Variants in ANKRD42 observed in about 807,000 individuals in gnomAD.
ANKRD42 encodes the protein ankyrin repeat domain-containing protein 42.
A neutral mutation model predicts 51.5 loss-of-function variants in ANKRD42; 43 were observed. That is an observed-to-expected ratio of 0.83 (90% CI 0.65 to 1.08). The LOEUF (loss-of-function observed/expected upper bound fraction) is 1.08, where lower values mean the gene tolerates loss of function less well. ANKRD42 is among the 50% of genes least tolerant of loss of function. The pLI is 0.00. For missense variants in ANKRD42, 608 were observed against 629.3 expected, an observed-to-expected ratio of 0.97 and a Z score of 0.36; for synonymous variants, 203 against 213.0, an observed-to-expected ratio of 0.95 and a Z score of 0.41.
downstream of ANKRD42, among the ~76,000 whole-genome samples, chr11:83,263,481 T>G (rs1167943653): frequency 1.3e-5 from 2 of 152,208 alleles, no homozygotes; most frequent in Non-Finnish European, 2.9e-5. Context: ...TGTAAAATGC[T>G]TAGGTGAGCA....
At chr11:83,200,505 A>G (rs749934455) in intron 2 of ANKRD42, among the ~76,000 whole-genome samples, 4 of 152,166 alleles carry the variant, frequency 2.6e-5, no homozygotes, top group African/African-American at 9.7e-5. Context: ...TAGCCTTTGA[A>G]TCATCATTGA....
intron 7 of ANKRD42, among the ~76,000 whole-genome samples, chr11:83,232,923 G>A (rs1316356965): frequency 6.6e-6 from 1 of 152,104 alleles, no homozygotes; most frequent in Non-Finnish European, 1.5e-5. Context: ...TATCGCAGAG[G>A]TAAATCCCAC....
intron 2 of ANKRD42, 83 bp downstream of exon 2, chr11:83,198,725 T>A (rs1292166129): frequency 1.5e-6 from 2 of 1,290,838 alleles, no homozygotes; most frequent in Non-Finnish European, 2.1e-6. Context: ...GCTGAGACCT[T>A]ATGGTAGGTA....
downstream of ANKRD42, among the ~76,000 whole-genome samples, chr11:83,256,575 C>G (rs1048766912): frequency 2.0e-5 from 3 of 152,010 alleles, no homozygotes; most frequent in Admixed American, 6.6e-5. Flanking sequence ...TCTTCTCTTC[C>G]CTCCATGAGC....
intron 7 of ANKRD42, among the ~76,000 whole-genome samples, 189 bp downstream of exon 7, chr11:83,228,061 G>A (rs1862945833): frequency 6.6e-6 from 1 of 151,842 alleles, no homozygotes; most frequent in African/African-American, 2.4e-5. Context: ...CTTTTATGAT[G>A]CCAGATATTC....
downstream of ANKRD42, chr11:83,261,156 T>G (rs1270904445): frequency 6.6e-6 from 1 of 152,204 alleles, no homozygotes; most frequent in Non-Finnish European, 1.5e-5. Context: ...TGGTGCTATC[T>G]CGGCTCACTG....
At chr11:83,212,866 T>A (rs1275736345) in intron 5 of ANKRD42, 2 of 1,430,002 alleles carry the variant, frequency 1.4e-6, no homozygotes, top group African/African-American at 2.9e-5. Context: ...TCTGAAAATT[T>A]ATTTTGTTCT....
At chr11:83,203,073 C>T (rs1861934245) in intron 2 of ANKRD42, among the ~76,000 whole-genome samples, 1 of 150,344 alleles carries the variant, frequency 6.7e-6, no homozygotes, top group Non-Finnish European at 1.5e-5. Context: ...TTCACTGCAA[C>T]CTCTGCCTCC....
chr11:83,232,991 T>C (rs1285925068), intron 7 of ANKRD42, among the ~76,000 whole-genome samples: 2 of 152,206 alleles, frequency 1.3e-5, no homozygotes, highest in Admixed American at 1.3e-4. Flanking sequence ...GCTAGTATTT[T>C]GTTGATGATT....
chr11:83,195,887 C>T (rs1169068528), intron 1 of ANKRD42, among the ~76,000 whole-genome samples: 1 of 150,940 alleles, frequency 6.6e-6, no homozygotes, highest in Non-Finnish European at 1.5e-5. Flanking sequence ...CTCTGTCCCC[C>T]ATGCTGGAGT....
rs1287269501 is a variant in ANKRD42, at chr11:83,211,379, G to A, written c.535G>A (p.Val179Ile). 1.9e-6 allele frequency: 3 copies of A among 1,614,170 alleles called. No homozygotes were observed. The highest frequency in any genetic ancestry group is 1.1e-5 in the South Asian group (1 of 91,086). ...HGRLGCLQLL[V>I]KWGCSIEDVD... ...GCGGCTTGGCTGCTTGCAACTTCTT[G>A]TTAAATGGGGTTGTAGCATAGAAGA... The change falls in exon 5 of 11, where the codon GTT (valine) becomes ATT (isoleucine). Residue 179 changes from valine (V) to isoleucine (I), a missense_variant. Transcript: ENST00000533342.
At position 83,198,650 on chromosome 11, in the gene ANKRD42, A is replaced by G. The variant is rs780896841; in HGVS notation, c.222+8A>G. On this transcript the variant is annotated splice_region_variant and intron_variant, in intron 2 of 10. Transcript: ENST00000533342. ...CATTCTGGAAGTTTGGAGGTAAGAA[A>G]CTATACATATCACTAAACTGAGGTA... 3.2e-6 allele frequency: 5 copies of G among 1,571,998 alleles called. No homozygotes were observed. Among genetic ancestry groups the G allele is most frequent in the Admixed American group, 1.9e-5 (1 of 53,576 alleles).
chr11:83,207,952 A>G (rs1194133565), intron 3 of ANKRD42, among the ~76,000 whole-genome samples: 2 of 152,222 alleles, frequency 1.3e-5, no homozygotes, highest in Non-Finnish European at 2.9e-5. Context: ...TTTTGGATTC[A>G]TTTGTATAGA....
intron 7 of ANKRD42, among the ~76,000 whole-genome samples, chr11:83,233,733 A>G (rs975986855): frequency 6.6e-6 from 1 of 152,098 alleles, no homozygotes; most frequent in Non-Finnish European, 1.5e-5. Flanking sequence ...CCCATGCTGG[A>G]GTGCAGTGGT....
Position 83,240,637 on chromosome 11 carries a change from C to T in ANKRD42, c.1020-122C>T. On this transcript the variant is annotated intron_variant, in intron 8 of 10. Transcript: ENST00000533342. Reference sequence around the variant, plus strand: ...GTCACTGACCTTCAGATTTTGGCTCCTTGGCTGGTGAGTGGATTGATGGCA... The same window carrying T: ...GTCACTGACCTTCAGATTTTGGCTCTTTGGCTGGTGAGTGGATTGATGGCA... 3.7e-6 allele frequency: 4 copies of T among 1,095,568 alleles called. No individual in the cohort carries two copies. In the South Asian group the frequency reaches 4.7e-5, roughly 13 times the overall value. The allele number at this position is 1,095,568 out of a possible 1,614,324, so 67.9% of individuals were successfully genotyped here. A position where few individuals can be genotyped will look rare whatever the true frequency, so the allele number is the denominator to read the frequency against.
At chr11:83,258,913 G>A (rs552526681), downstream of ANKRD42, among the ~76,000 whole-genome samples, 8 of 138,316 alleles carry the variant, frequency 5.8e-5, 1 homozygote, top group African/African-American at 1.9e-4. Flanking sequence ...TGGATAGGCA[G>A]GTTAGGATCT....
At position 83,205,790 on chromosome 11, in the gene ANKRD42, A is replaced by G. The variant is rs376091429; in HGVS notation, c.223-268A>G. Among the ~76,000 whole-genome samples the G allele has an allele frequency of 2.0e-4, 30 of 152,332 alleles. 1 individual carries two copies. The highest frequency in any genetic ancestry group is 1.7e-3 in the South Asian group (8 of 4,826). On this transcript the variant is annotated intron_variant, in intron 2 of 10. Transcript: ENST00000533342. ...ATTGGATAAGCATTTCACTCATAGC[A>G]ACCACTGACTGTAATTGAGTAGTGT...
intron 10 of ANKRD42, 29 bp from the exon 11 acceptor site, chr11:83,247,914 T>A (rs1194522614): frequency 6.4e-7 from 1 of 1,565,504 alleles, no homozygotes; most frequent in Non-Finnish European, 8.6e-7. Flanking sequence ...CATTGATGAT[T>A]GATTTTTAAA....
intron 8 of ANKRD42, among the ~76,000 whole-genome samples, chr11:83,238,597 G>C (rs1330186764): frequency 6.6e-6 from 1 of 152,098 alleles, no homozygotes; most frequent in Non-Finnish European, 1.5e-5. Context: ...TTGGGAGGCC[G>C]AGGCGGGCGG....
Sources: allele counts gnomAD v4.1 joint callset (sites outside exome capture counted in the v4.1 genomes callset), GRCh38; gene constraint gnomAD v4.1.1; transcripts MANE v1.5; gene names NCBI Gene and HGNC (gene_info 2026-07-23, HGNC 2026-07-21).